MACROD2: variants seen among roughly 807,000 people sequenced by gnomAD.
MACROD2 encodes the protein ADP-ribose glycohydrolase MACROD2.
A neutral mutation model predicts 70.4 loss-of-function variants in MACROD2; 36 were observed. That is an observed-to-expected ratio of 0.51 (90% CI 0.39 to 0.68). The LOEUF is 0.68. MACROD2 is among the 30% of genes least tolerant of loss of function. MACROD2 has a pLI of 0.00. For synonymous variants in MACROD2, 172 were observed against 178.8 expected (o/e 0.96, Z 0.30); for missense variants, 496 against 538.4 (o/e 0.92, Z 0.78).
chr20:15,076,636 C>A (rs1237133934), intron 5 of MACROD2, among the ~76,000 whole-genome samples: 2 of 152,152 alleles, frequency 1.3e-5, no homozygotes, highest in African/African-American at 4.8e-5. Flanking sequence ...TTTTCTGTCA[C>A]TTTTGTTCTT....
rs113458126 is a variant in MACROD2 at position 14,726,925 on chromosome 20, T to C, written c.418+41966T>C. Reference sequence around the variant, plus strand: ...CATAAATCCACTTTAAAAATCATTTTACCAGAGGTTAAAAAAAACCCTCCC... The same window carrying C: ...CATAAATCCACTTTAAAAATCATTTCACCAGAGGTTAAAAAAAACCCTCCC... On this transcript the variant is annotated intron_variant, in intron 5 of 17. Coordinates refer to ENST00000684519, the MANE Select transcript of MACROD2 (RefSeq NM_001351661.2). Among the ~76,000 whole-genome samples, 359 of 152,300 alleles carry C rather than the reference T, an allele frequency of 2.4e-3. 2 individuals are homozygous for C. The highest frequency in any genetic ancestry group is 8.4e-3 in the African/African-American group (349 of 41,558).
intron 7 of MACROD2, among the ~76,000 whole-genome samples, chr20:15,492,760 G>A (rs2047248145): frequency 2.0e-5 from 3 of 152,068 alleles, no homozygotes; most frequent in Admixed American, 1.3e-4. Flanking sequence ...AAAATAACAC[G>A]GTGCCATGCT....
intron 6 of MACROD2, among the ~76,000 whole-genome samples, chr20:15,300,445 G>A (rs2077631363): frequency 6.6e-6 from 1 of 152,090 alleles, no homozygotes; most frequent in Non-Finnish European, 1.5e-5. Flanking sequence ...GGAAATTTGG[G>A]AACCACTGTT....
chr20:14,519,359 G>A (rs1290680875), intron 4 of MACROD2, among the ~76,000 whole-genome samples: 1 of 152,018 alleles, frequency 6.6e-6, no homozygotes, highest in African/African-American at 2.4e-5. Context: ...GAATGTGTAG[G>A]GTTTTTAGAA....
chr20:15,890,357 T>G (rs1345502179), intron 10 of MACROD2, among the ~76,000 whole-genome samples: 1 of 152,152 alleles, frequency 6.6e-6, no homozygotes, highest in East Asian at 1.9e-4. Context: ...TTTTCAGCAT[T>G]GGAAACTCTC....
intron 6 of MACROD2, among the ~76,000 whole-genome samples, chr20:15,329,268 T>G (rs2077965906): frequency 6.6e-6 from 1 of 152,028 alleles, no homozygotes; most frequent in South Asian, 2.1e-4. Flanking sequence ...AAGTTCAGAG[T>G]GTATGATAGA....
intron 8 of MACROD2, among the ~76,000 whole-genome samples, chr20:15,808,836 G>T (rs1407389042): frequency 6.6e-6 from 1 of 152,088 alleles, no homozygotes; most frequent in Non-Finnish European, 1.5e-5. Flanking sequence ...CATTGGCTTG[G>T]GTAGAAGAAT....
At chr20:14,687,058 C>T (rs1234609602) in intron 5 of MACROD2, among the ~76,000 whole-genome samples, 1 of 152,088 alleles carries the variant, frequency 6.6e-6, no homozygotes, top group Non-Finnish European at 1.5e-5. Context: ...AATATTGGTT[C>T]TTTTGCTTTC....
At chr20:15,221,606 C>G (rs1049938971) in intron 5 of MACROD2, among the ~76,000 whole-genome samples, 3 of 152,102 alleles carry the variant, frequency 2.0e-5, no homozygotes, top group African/African-American at 7.2e-5. Flanking sequence ...GGATACAGTC[C>G]CATCAACAAG....
At chr20:15,634,095 C>G (rs2049330863) in intron 8 of MACROD2, among the ~76,000 whole-genome samples, 1 of 152,188 alleles carries the variant, frequency 6.6e-6, no homozygotes, top group Non-Finnish European at 1.5e-5. Flanking sequence ...TCATGCTAAT[C>G]AAAGAGCAGA....
At chr20:14,485,672 A>C (rs956437599) in intron 3 of MACROD2, among the ~76,000 whole-genome samples, 1 of 89,470 alleles carries the variant, frequency 1.1e-5, no homozygotes, top group Non-Finnish European at 2.1e-5. Context: ...CTTGCACTCC[A>C]GCCTGGGCAA....
chr20:15,829,475 C>G (rs568582400), intron 8 of MACROD2, among the ~76,000 whole-genome samples: 62 of 152,204 alleles, frequency 4.1e-4, no homozygotes, highest in Non-Finnish European at 7.9e-4. Context: ...ATACTATAAA[C>G]TACGTGTAAT....
At chr20:14,927,063 A>G (rs912301020) in intron 5 of MACROD2, among the ~76,000 whole-genome samples, 1 of 152,174 alleles carries the variant, frequency 6.6e-6, no homozygotes, top group African/African-American at 2.4e-5. Flanking sequence ...TGTCAGTCAT[A>G]CAACTTAAAT....
intron 8 of MACROD2, among the ~76,000 whole-genome samples, chr20:15,671,325 G>C (rs750772828): frequency 6.6e-6 from 1 of 152,132 alleles, no homozygotes; most frequent in Non-Finnish European, 1.5e-5. Flanking sequence ...ACTCAGGAAA[G>C]ACATGGCCAG....
At chr20:15,051,188 A>G (rs1396420400) in intron 5 of MACROD2, among the ~76,000 whole-genome samples, 1 of 152,204 alleles carries the variant, frequency 6.6e-6, no homozygotes, top group Non-Finnish European at 1.5e-5. Context: ...TGTGACCGCA[A>G]ATGGCTGTCT....
rs553342286 is a variant in MACROD2 at position 14,721,431 on chromosome 20, CA to C, written c.418+36474del. Among the ~76,000 whole-genome samples the C allele has an allele frequency of 2.1e-3, 313 of 152,016 alleles. 1 individual carries two copies. Among genetic ancestry groups the C allele is most frequent in the African/African-American group, 7.1e-3 (294 of 41,468 alleles). ...TGAACCAGAAAACCCCCACAAAACT[CA>C]AGGAGTTAATTTACATTTAGACCAA... On this transcript the variant is annotated intron_variant, in intron 5 of 17. Transcript: ENST00000684519.
intron 9 of MACROD2, among the ~76,000 whole-genome samples, chr20:15,883,487 T>C (rs780477512): frequency 4.1e-4 from 63 of 152,104 alleles, no homozygotes; most frequent in Non-Finnish European, 7.4e-5. Flanking sequence ...AATATTTCCA[T>C]GGTAAAAAAA....
intron 8 of MACROD2, among the ~76,000 whole-genome samples, chr20:15,596,322 G>A (rs1265956870): frequency 6.6e-6 from 1 of 152,136 alleles, no homozygotes; most frequent in East Asian, 1.9e-4. Context: ...TATGGTGGGT[G>A]TTGTAATGCT....
chr20:15,921,782 A>T (rs2065411541), intron 10 of MACROD2, among the ~76,000 whole-genome samples: 5 of 152,250 alleles, frequency 3.3e-5, no homozygotes, highest in Admixed American at 2.0e-4. Context: ...CTGGGGAGTG[A>T]TTCCCAGGAA....
Sources: allele counts gnomAD v4.1 joint callset (sites outside exome capture counted in the v4.1 genomes callset), GRCh38; gene constraint gnomAD v4.1.1; transcripts MANE v1.5; gene names NCBI Gene and HGNC (gene_info 2026-07-23, HGNC 2026-07-21).